SYT14: variants seen among roughly 807,000 people sequenced by gnomAD.
SYT14 encodes the protein synaptotagmin-14.
SYT14 carries 32 observed loss-of-function variants against 74.2 expected under a neutral mutation model. The observed-to-expected ratio is 0.43, with a 90% CI of 0.33 to 0.58. The LOEUF (loss-of-function observed/expected upper bound fraction) is 0.58. SYT14 is among the 20% of genes least tolerant of loss of function. SYT14 has a pLI of 0.05. For missense variants in SYT14, 791 were observed against 981.8 expected (o/e 0.81, Z 2.60); for synonymous variants, 298 against 337.7 (o/e 0.88, Z 1.29).
chr1:210,040,278 A>C (rs974056096), intron 5 of SYT14, among the ~76,000 whole-genome samples: 1 of 152,178 alleles, frequency 6.6e-6, no homozygotes, highest in Non-Finnish European at 1.5e-5. Context: ...ACAGAAAACC[A>C]AACACAGCAT....
At position 209,953,399 on chromosome 1, in the gene SYT14, G is replaced by T. The variant is rs115328078; in HGVS notation, c.-486+643G>T. 3.1e-3 allele frequency: 1,611 copies of T among 511,766 alleles called. 25 individuals are homozygous for T. Among genetic ancestry groups the T allele is most frequent in the African/African-American group, 0.03 (1,499 of 49,610 alleles). The allele number at this position is 511,766 out of a possible 1,614,324, so 31.7% of individuals were successfully genotyped here. A position where few individuals can be genotyped will look rare whatever the true frequency, so the allele number is the denominator to read the frequency against. ...TCATATGAAGGAAAGATATTCCTGGGGAGGTCAGGGGAAGAAATCCTCATA... is the reference window on the plus strand; with the variant it reads ...TCATATGAAGGAAAGATATTCCTGGTGAGGTCAGGGGAAGAAATCCTCATA... On this transcript the variant is annotated intron_variant, in intron 2 of 9. Coordinates refer to ENST00000637265, the Ensembl canonical transcript of SYT14.
chr1:210,064,744 T>G (rs1302910226), intron 5 of SYT14, among the ~76,000 whole-genome samples: 3 of 151,790 alleles, frequency 2.0e-5, no homozygotes, highest in Non-Finnish European at 4.4e-5. Flanking sequence ...AAGTGTCTGA[T>G]TGAGTTGCTG....
At chr1:210,103,566 AAAG>A (rs1196072351) in intron 7 of SYT14, among the ~76,000 whole-genome samples, 4 of 150,816 alleles carry the variant, frequency 2.7e-5, no homozygotes, top group East Asian at 1.9e-4. Context: ...AAAAAAAAAA[AAAG>A]AGTTTAACAT....
intron 5 of SYT14, among the ~76,000 whole-genome samples, chr1:210,047,249 G>GTA (rs2080902715): frequency 1.3e-5 from 2 of 152,180 alleles, no homozygotes; most frequent in Non-Finnish European, 2.9e-5. Context: ...CTGTCAAAGA[G>GTA]TATGGCACAT....
chr1:210,011,555 T>G (rs1048306485), intron 2 of SYT14, among the ~76,000 whole-genome samples: 2 of 152,168 alleles, frequency 1.3e-5, no homozygotes, highest in African/African-American at 4.8e-5. Context: ...CATCTCCTAC[T>G]GCAACACCAT....
chr1:209,992,938 C>G (rs925815869), intron 2 of SYT14, among the ~76,000 whole-genome samples: 1 of 152,102 alleles, frequency 6.6e-6, no homozygotes, highest in East Asian at 1.9e-4. Context: ...AGTTCCTGGC[C>G]CTTAAGAGCT....
chr1:210,044,600 A>G (rs893236232), intron 5 of SYT14, among the ~76,000 whole-genome samples: 4 of 152,218 alleles, frequency 2.6e-5, no homozygotes, highest in African/African-American at 9.6e-5. Flanking sequence ...TATTAAAGCT[A>G]TCTCGCTCCT....
At chr1:210,068,271 T>C (rs170555) in intron 5 of SYT14, among the ~76,000 whole-genome samples, 86,141 of 151,538 alleles carry the variant, frequency 0.57, 26,568 homozygotes, top group African/African-American at 0.82. Context: ...ACCTTGTGTT[T>C]CTGAAATAAA....
chr1:210,115,630 G>A (rs1033030356), intron 7 of SYT14, among the ~76,000 whole-genome samples: 1 of 151,354 alleles, frequency 6.6e-6, no homozygotes, highest in African/African-American at 2.5e-5. Flanking sequence ...ATGGCGGCAA[G>A]GTTGAAAGGA....
intron 2 of SYT14, among the ~76,000 whole-genome samples, chr1:210,007,189 T>A (rs2080005644): frequency 1.3e-5 from 2 of 151,910 alleles, no homozygotes; most frequent in Non-Finnish European, 2.9e-5. Flanking sequence ...TATAAAGATA[T>A]AACTGCCAAA....
chr1:209,991,631 T>A (rs1314574481), intron 2 of SYT14, among the ~76,000 whole-genome samples: 1 of 151,926 alleles, frequency 6.6e-6, no homozygotes, highest in African/African-American at 2.4e-5. Context: ...TCAAATAACA[T>A]CTAACCTGGC....
chr1:209,977,254 G>A (rs1338272588), intron 2 of SYT14, among the ~76,000 whole-genome samples: 1 of 152,132 alleles, frequency 6.6e-6, no homozygotes, highest in Non-Finnish European at 1.5e-5. Flanking sequence ...TCATTATGAT[G>A]TTAGCTGGTT....
At chr1:210,047,631 T>C (rs908942240) in intron 5 of SYT14, among the ~76,000 whole-genome samples, 1 of 152,174 alleles carries the variant, frequency 6.6e-6, no homozygotes, top group African/African-American at 2.4e-5. Context: ...ACTCCTGACC[T>C]CGTGATCTGC....
At chr1:210,000,463 T>TACACACACACAC (rs1238374511) in intron 2 of SYT14, among the ~76,000 whole-genome samples, 4 of 67,760 alleles carry the variant, frequency 5.9e-5, no homozygotes, top group African/African-American at 3.6e-4. Flanking sequence ...TTTGTCCTCA[T>TACACACACACAC]ACGCACACAC....
intron 2 of SYT14, among the ~76,000 whole-genome samples, chr1:209,981,656 A>G (rs1334946188): frequency 2.6e-5 from 4 of 151,710 alleles, no homozygotes; most frequent in South Asian, 4.2e-4. Context: ...ACGTCTTGCT[A>G]TGTTTTTCAT....
intron 5 of SYT14, among the ~76,000 whole-genome samples, chr1:210,078,304 C>T (rs2473070): frequency 0.37 from 39,460 of 106,216 alleles, 6,954 homozygotes; most frequent in Non-Finnish European, 0.42. Context: ...AGCGAGACTC[C>T]GTCTCAAAAA....
At chr1:210,031,834 A>G (rs988795285) in intron 5 of SYT14, among the ~76,000 whole-genome samples, 1 of 152,122 alleles carries the variant, frequency 6.6e-6, no homozygotes, top group Non-Finnish European at 1.5e-5. Flanking sequence ...CAAGGGGGCC[A>G]TTGTAAGACC....
chr1:210,109,149 A>G (rs2082213059), intron 7 of SYT14, among the ~76,000 whole-genome samples: 1 of 152,248 alleles, frequency 6.6e-6, no homozygotes, highest in Admixed American at 6.5e-5. Flanking sequence ...GGATATGAAC[A>G]GACACTTCTC....
At position 210,163,748 on chromosome 1, in the gene SYT14, G is replaced by T. The variant is rs528169853; in HGVS notation, c.*2706G>T. ...TTCTTTTAGAAAAGGATTAAATAAG[G>T]CTCAGGGGACCCACTTCACTCTACT... On this transcript the variant is annotated 3_prime_UTR_variant, in exon 10 of 10. Coordinates refer to ENST00000637265, the Ensembl canonical transcript of SYT14. The T allele has an allele frequency of 1.4e-4, 62 of 448,536 alleles. No individual in the cohort carries two copies. In the East Asian group the frequency reaches 4.0e-3, roughly 29 times the overall value. The allele number at this position is 448,536 out of a possible 1,614,324, so 27.8% of individuals were successfully genotyped here.
Sources: gnomAD v4.1 joint callset for allele counts (sites outside exome capture counted in the v4.1 genomes callset) on GRCh38, gnomAD v4.1.1 for gene constraint, MANE v1.5 for transcripts, NCBI Gene and HGNC (gene_info 2026-07-23, HGNC 2026-07-21) for gene names.